Variants in RABL3 observed in about 807,000 individuals in gnomAD.
The protein encoded by RABL3 is RAB, member of RAS oncogene family like 3.
A neutral mutation model predicts 31.8 loss-of-function variants in RABL3; 31 were observed. The observed-to-expected ratio is 0.97, with a 90% confidence interval of 0.73 to 1.31. The LOEUF (loss-of-function observed/expected upper bound fraction) is 1.31, where lower values mean the gene tolerates loss of function less well. RABL3 is among the 40% of genes most tolerant of loss of function. The pLI is 0.00. For synonymous variants in RABL3, 97 were observed against 99.9 expected (o/e 0.97, Z 0.18); for missense variants, 263 against 279.6 (o/e 0.94, Z 0.42).
chr3:120,698,272 T>C lies in RABL3; in HGVS notation c.534+151A>G, dbSNP rs915570964. On this transcript the variant is annotated intron_variant, in intron 5 of 7. Transcript: ENST00000273375. ...GTGCACATCTCTCAGTCTAGATATG[T>C]TGATTCCAATCTTGACTACGTTTAG... 4.3e-5 allele frequency: 31 copies of C among 724,358 alleles called. No homozygotes were observed. The East Asian group carries it at 8.0e-4, about 19-fold the overall frequency. 44.9% of individuals were successfully genotyped at this position (724,358 alleles called of 1,614,324 possible). A position where few individuals can be genotyped will look rare whatever the true frequency, so the allele number is the denominator to read the frequency against.
intron 2 of RABL3, among the ~76,000 whole-genome samples, chr3:120,719,823 C>A (rs1047661638): frequency 6.6e-6 from 1 of 152,228 alleles, no homozygotes. Context: ...TGTCTGACAG[C>A]TTTGAAGAGA....
chr3:120,700,901 AG>A (rs1708485182), intron 4 of RABL3, among the ~76,000 whole-genome samples: 1 of 152,100 alleles, frequency 6.6e-6, no homozygotes, highest in South Asian at 2.1e-4. Flanking sequence ...AGTTAAAAAA[AG>A]TTATTGTGGT....
In RABL3 at chr3:120,687,483, TG is replaced by T. The variant is rs373886103; in HGVS notation, c.*2339del. 85 of 152,316 alleles carry T rather than the reference TG, an allele frequency of 5.6e-4. No homozygotes were observed. The highest frequency in any genetic ancestry group is 3.4e-3 in the Middle Eastern group (1 of 294). 9.4% of individuals were successfully genotyped at this position (152,316 alleles called of 1,614,324 possible). Reference sequence around the variant, plus strand: ...AAAAAAATATTTTGACATTTATACTTGTTTATTATCTAAAAGCATTTTTATG... The same window carrying T: ...AAAAAAATATTTTGACATTTATACTTTTTATTATCTAAAAGCATTTTTATG... On this transcript the variant is annotated 3_prime_UTR_variant, in exon 8 of 8. Transcript: ENST00000273375.
intron 2 of RABL3, among the ~76,000 whole-genome samples, chr3:120,712,533 T>C (rs1452968090): frequency 6.6e-6 from 1 of 152,178 alleles, no homozygotes; most frequent in Non-Finnish European, 1.5e-5. Context: ...TAAGTCTTTC[T>C]GATCCTACCT....
intron 6 of RABL3, 31 bp from the exon 7 acceptor site, chr3:120,690,518 C>T (rs1470157702): frequency 1.3e-6 from 2 of 1,562,818 alleles, no homozygotes; most frequent in Non-Finnish European, 1.8e-6. Context: ...AAAGGCTTAG[C>T]ACACATACCT....
At chr3:120,720,405 C>T (rs190551541) in intron 2 of RABL3, among the ~76,000 whole-genome samples, 121 of 152,166 alleles carry the variant, frequency 8.0e-4, no homozygotes, top group Middle Eastern at 3.4e-3. Context: ...GGAGGAAGTT[C>T]GAACCCAAGG....
chr3:120,726,586 C>T (rs1192056822), intron 2 of RABL3, among the ~76,000 whole-genome samples: 1 of 151,702 alleles, frequency 6.6e-6, no homozygotes, highest in African/African-American at 2.4e-5. Context: ...ATTAAAAGTA[C>T]AAAAAAATTA....
intron 2 of RABL3, among the ~76,000 whole-genome samples, chr3:120,723,124 C>T (rs186474624): frequency 8.3e-4 from 126 of 152,150 alleles, no homozygotes; most frequent in Non-Finnish European, 1.6e-3. Context: ...ATATCACCAC[C>T]GATCCCACAG....
At chr3:120,696,138 A>G (rs1172714749) in intron 5 of RABL3, among the ~76,000 whole-genome samples, 1 of 152,210 alleles carries the variant, frequency 6.6e-6, no homozygotes, top group African/African-American at 2.4e-5. Flanking sequence ...GGATTTTAGA[A>G]AATAAGTAAT....
At chr3:120,735,971 G>T (rs1387686273) in intron 1 of RABL3, among the ~76,000 whole-genome samples, 1 of 152,186 alleles carries the variant, frequency 6.6e-6, no homozygotes, top group Non-Finnish European at 1.5e-5. Flanking sequence ...CAACTGTGTG[G>T]TCAGTTTTGC....
At chr3:120,697,611 G>A (rs761639796) in intron 5 of RABL3, among the ~76,000 whole-genome samples, 6 of 152,032 alleles carry the variant, frequency 3.9e-5, no homozygotes, top group East Asian at 1.9e-4. Context: ...GCTTTTTTAC[G>A]CGCTCAGTTC....
intron 2 of RABL3, among the ~76,000 whole-genome samples, chr3:120,722,928 G>C (rs28539233): frequency 7.2e-6 from 1 of 139,218 alleles, no homozygotes; most frequent in East Asian, 2.0e-4. Flanking sequence ...GCTAGCAGAA[G>C]GCAAGAAATA....
Position 120,709,846 on chromosome 3 carries a change from C to T in RABL3, c.202G>A (p.Gly68Arg). The T allele has an allele frequency of 1.9e-6, 3 of 1,611,758 alleles. No homozygotes were observed. Among genetic ancestry groups the T allele is most frequent in the Non-Finnish European group, 2.5e-6 (3 of 1,177,996 alleles). Residue 68 changes from glycine to arginine, a missense_variant, in exon 3 of 8, where the codon GGA (glycine) becomes AGA (arginine). Transcript: ENST00000273375. ...KTYYIELWDV[G>R]GSVGSASSVK... ...CTGCTGGCACTGCCCACAGAGCCTC[C>T]AACATCCCATAATTCTATGTAGTAG...
At chr3:120,730,306 T>C (rs1289947022) in intron 2 of RABL3, among the ~76,000 whole-genome samples, 1 of 152,216 alleles carries the variant, frequency 6.6e-6, no homozygotes, top group African/African-American at 2.4e-5. Context: ...GACCCAGACA[T>C]GAAGCTCCAG....
chr3:120,742,618 C>A, upstream of RABL3: 1 of 1,092,864 alleles, frequency 9.2e-7, no homozygotes, highest in South Asian at 1.3e-5. Flanking sequence ...GCGTGACTGT[C>A]TTGATCGAAG....
intron 1 of RABL3, among the ~76,000 whole-genome samples, chr3:120,735,082 T>C (rs1708939038): frequency 6.6e-6 from 1 of 152,250 alleles, no homozygotes; most frequent in Non-Finnish European, 1.5e-5. Context: ...GAGGGTTCCC[T>C]CTTTTTCCGT....
intron 2 of RABL3, among the ~76,000 whole-genome samples, chr3:120,724,770 C>T (rs1269710712): frequency 2.6e-5 from 4 of 152,196 alleles, no homozygotes; most frequent in Admixed American, 6.5e-5. Flanking sequence ...AAACTGGATC[C>T]CTTCCTGACA....
Position 120,737,573 on chromosome 3 carries a change from C to A in RABL3, c.46+4889G>T, listed in dbSNP as rs553489476. Among the ~76,000 whole-genome samples the A allele has an allele frequency of 4.6e-5, 7 of 152,348 alleles. No individual in the cohort carries two copies. The South Asian group carries it at 1.0e-3, about 23-fold the overall frequency. On this transcript the variant is annotated intron_variant, in intron 1 of 7. Coordinates refer to ENST00000273375, the MANE Select transcript of RABL3 (RefSeq NM_173825.5). ...TTGTTCCTTTGCTGGCGAGGAGCTGCGTTTCTTTGCAGGGGGAGAGGTGCT... is the reference window on the plus strand; with the variant it reads ...TTGTTCCTTTGCTGGCGAGGAGCTGAGTTTCTTTGCAGGGGGAGAGGTGCT...
rs10511401 is a variant in RABL3, at chr3:120,730,877, G to A, written c.47-90C>T. Reference sequence around the variant, plus strand: ...AAGACTAATACTACACAGGAATAATGTTAAGTAAAGCATAGTTGTTAGAAT... The same window carrying A: ...AAGACTAATACTACACAGGAATAATATTAAGTAAAGCATAGTTGTTAGAAT... On this transcript the variant is annotated intron_variant, in intron 1 of 7. Coordinates refer to ENST00000273375, the MANE Select transcript of RABL3 (RefSeq NM_173825.5). The A allele has an allele frequency of 0.011, 9,150 of 819,630 alleles. 1,010 individuals carry two copies. The Admixed American group carries it at 0.18, about 16-fold the overall frequency. 50.8% of individuals were successfully genotyped at this position (819,630 alleles called of 1,614,324 possible). A position where few individuals can be genotyped will look rare whatever the true frequency, so the allele number is the denominator to read the frequency against.
Sources: gnomAD v4.1 joint callset for allele counts (sites outside exome capture counted in the v4.1 genomes callset) on GRCh38, gnomAD v4.1.1 for gene constraint, MANE v1.5 for transcripts, NCBI Gene and HGNC (gene_info 2026-07-23, HGNC 2026-07-21) for gene names.